WDR27: variants seen among roughly 807,000 people sequenced by gnomAD.
WDR27 encodes the protein WD repeat-containing protein 27.
WDR27 carries 100 observed loss-of-function variants against 114.4 expected under a neutral mutation model. That is an observed-to-expected ratio of 0.87 (90% CI 0.74 to 1.03). The LOEUF (loss-of-function observed/expected upper bound fraction) is 1.03. Among genes scored for constraint, WDR27 ranks in the 50% least tolerant of loss-of-function variants. The pLI, the probability that WDR27 is intolerant of heterozygous loss-of-function variation, is 0.00. For missense variants in WDR27, 1,129 were observed against 1,092.9 expected (o/e 1.03, Z -0.47); for synonymous variants, 449 against 423.1 (o/e 1.06, Z -0.75).
intron 22 of WDR27, among the ~76,000 whole-genome samples, chr6:169,609,915 T>A (rs1293353165): frequency 1.3e-5 from 2 of 152,232 alleles, no homozygotes; most frequent in Admixed American, 6.5e-5. Context: ...AGAAATTTCT[T>A]CCACCAGATA....
intron 25 of WDR27, among the ~76,000 whole-genome samples, chr6:169,493,106 A>G (rs2115443096): frequency 6.6e-6 from 1 of 152,168 alleles, no homozygotes; most frequent in South Asian, 2.1e-4. Flanking sequence ...TCTATTAAAA[A>G]GGTTATAAAA....
chr6:169,653,420 T>C (rs1823146660), intron 13 of WDR27, among the ~76,000 whole-genome samples: 3 of 152,230 alleles, frequency 2.0e-5, no homozygotes, highest in Admixed American at 2.0e-4. Context: ...GCAAGTTTTA[T>C]TTTATACATA....
At chr6:169,504,914 A>G (rs1791816652) in intron 25 of WDR27, among the ~76,000 whole-genome samples, 1 of 152,164 alleles carries the variant, frequency 6.6e-6, no homozygotes, top group Admixed American at 6.5e-5. Flanking sequence ...CCTACTTTAT[A>G]TTCTTTGAAG....
intron 23 of WDR27, among the ~76,000 whole-genome samples, chr6:169,601,009 T>A (rs1007210436): frequency 2.6e-5 from 4 of 152,154 alleles, no homozygotes; most frequent in African/African-American, 9.7e-5. Flanking sequence ...AGACACATTA[T>A]TGTCAGATTC....
At chr6:169,440,924 G>A in the WDR27 span, among the ~76,000 whole-genome samples, 1 of 152,126 alleles carries the variant, frequency 6.6e-6, no homozygotes, top group East Asian at 1.9e-4. Context: ...CCTTAGGCAT[G>A]AGCTCTTGGT....
chr6:169,434,879 T>C, the WDR27 span, among the ~76,000 whole-genome samples: 2 of 152,242 alleles, frequency 1.3e-5, no homozygotes, highest in Non-Finnish European at 2.9e-5. Context: ...AGCCAAATGT[T>C]AATCACCAAG....
In WDR27 at chr6:169,648,329, G is replaced by A. The variant is rs563380469; in HGVS notation, c.1560-459C>T. The stretch of plus-strand genomic sequence containing the variant: ...AGCCCTGGGTGGCATTTGGGGCCTC[G>A]CCACCACTGCTACCCAGCAGCTCCC... On this transcript the variant is annotated intron_variant, in intron 15 of 25. Transcript: ENST00000448612. Among the ~76,000 whole-genome samples the A allele has an allele frequency of 2.0e-3, 308 of 152,210 alleles. 1 individual carries two copies. Among genetic ancestry groups the A allele is most frequent in the Non-Finnish European group, 3.6e-3 (246 of 68,026 alleles).
intron 25 of WDR27, among the ~76,000 whole-genome samples, chr6:169,515,109 G>A (rs1158844110): frequency 2.0e-5 from 3 of 151,904 alleles, no homozygotes; most frequent in Non-Finnish European, 2.9e-5. Flanking sequence ...ATGGGTCGTG[G>A]GTCTTTAAAT....
chr6:169,674,260 T>C (rs546809264), intron 2 of WDR27, among the ~76,000 whole-genome samples: 8 of 152,266 alleles, frequency 5.3e-5, no homozygotes, highest in Admixed American at 1.3e-4. Context: ...CTACAAGTCA[T>C]CCAGATAAGA....
At chr6:169,693,729 A>T (rs951574291) in intron 1 of WDR27, among the ~76,000 whole-genome samples, 3 of 147,848 alleles carry the variant, frequency 2.0e-5, no homozygotes, top group Admixed American at 1.4e-4. Flanking sequence ...CAACAAGTTT[A>T]AAAAAAAAAA....
chr6:169,666,851 T>C (rs1047677555), intron 6 of WDR27: 3 of 985,360 alleles, frequency 3.0e-6, no homozygotes, highest in Non-Finnish European at 3.6e-6. Flanking sequence ...TCAACTTCCC[T>C]GGGTACTCAG....
chr6:169,535,602 G>A (rs1796114720), intron 25 of WDR27, among the ~76,000 whole-genome samples: 1 of 152,104 alleles, frequency 6.6e-6, no homozygotes. Context: ...TCCTGGGAAG[G>A]GCTTACTAAC....
chr6:169,664,657 C>T (rs1827277855), intron 7 of WDR27: 3 of 1,051,140 alleles, frequency 2.9e-6, no homozygotes, highest in East Asian at 7.4e-5. Context: ...AAGGCAACAG[C>T]GGTCAACTTT....
At position 169,702,015 on chromosome 6, in the gene WDR27, C is replaced by G; in HGVS notation, c.-472G>C. On this transcript the variant is annotated 5_prime_UTR_variant, in exon 1 of 26. Transcript: ENST00000448612. ...ATGGTTACTTGCCAGCCGACCCACG[C>G]GAGCCGCTATGGTTACTAGCCCGCC... 1 of 433,528 alleles carries G rather than the reference C, an allele frequency of 2.3e-6. No individual in the cohort carries two copies. The highest frequency in any genetic ancestry group is 4.6e-6 in the Non-Finnish European group (1 of 216,032). The allele number at this position is 433,528 out of a possible 1,614,324, so 26.9% of individuals were successfully genotyped here.
chr6:169,664,582 C>T (rs1202179079), intron 7 of WDR27: 2 of 1,271,750 alleles, frequency 1.6e-6, no homozygotes, highest in East Asian at 4.2e-5. Flanking sequence ...AGGCCCCAGG[C>T]TCTCTGCACA....
chr6:169,654,327 C>T (rs1823417145), intron 13 of WDR27, among the ~76,000 whole-genome samples: 1 of 152,200 alleles, frequency 6.6e-6, no homozygotes, highest in African/African-American at 2.4e-5. Context: ...GGAGCTGGCA[C>T]ACCAAAACCA....
At chr6:169,448,682 C>T in the WDR27 span, among the ~76,000 whole-genome samples, 1 of 152,178 alleles carries the variant, frequency 6.6e-6, no homozygotes, top group African/African-American at 2.4e-5. Context: ...TCCCATTCAC[C>T]GACCTGCACG....
At chr6:169,668,954 T>G (rs867505596) in intron 4 of WDR27, among the ~76,000 whole-genome samples, 36 of 152,288 alleles carry the variant, frequency 2.4e-4, no homozygotes, top group African/African-American at 8.7e-4. Context: ...ACCATCAGAT[T>G]GTTAAAAATA....
chr6:169,621,248 A>G (rs970032117), intron 21 of WDR27, among the ~76,000 whole-genome samples: 5 of 152,120 alleles, frequency 3.3e-5, no homozygotes, highest in African/African-American at 1.2e-4. Context: ...GCATATACAT[A>G]CCCACACATA....
Sources: allele counts gnomAD v4.1 joint callset (sites outside exome capture counted in the v4.1 genomes callset), GRCh38; gene constraint gnomAD v4.1.1; transcripts MANE v1.5; gene names NCBI Gene and HGNC (gene_info 2026-07-23, HGNC 2026-07-21).